WARS2: variants seen among roughly 807,000 people sequenced by gnomAD.
The protein encoded by WARS2 is tryptophan--tRNA ligase, mitochondrial.
A neutral mutation model predicts 36.5 loss-of-function variants in WARS2; 28 were observed. The ratio of observed to expected loss-of-function variants is 0.77; its 90% CI spans 0.57 to 1.05. WARS2 has a LOEUF of 1.05. Ranked by LOEUF, WARS2 falls within the 50% of genes least tolerant of loss-of-function variation. WARS2 has a pLI of 0.00. For synonymous variants in WARS2, 174 were observed against 178.4 expected (o/e 0.98, Z 0.20); for missense variants, 435 against 456.8 (o/e 0.95, Z 0.44).
At chr1:119,135,747 T>TAGAGAGATAGAG (rs67002367) in intron 1 of WARS2, among the ~76,000 whole-genome samples, 4 of 115,876 alleles carry the variant, frequency 3.5e-5, no homozygotes, top group East Asian at 1.1e-3. Context: ...GATAGATAGA[T>TAGAGAGATAGAG]AGATAGAGAG....
intron 1 of WARS2, among the ~76,000 whole-genome samples, chr1:119,096,802 A>C (rs1653473388): frequency 6.6e-6 from 1 of 152,200 alleles, no homozygotes; most frequent in African/African-American, 2.4e-5. Context: ...AAAATCAAAT[A>C]GCGCTCTCAT....
intron 2 of WARS2, among the ~76,000 whole-genome samples, chr1:119,046,390 C>T (rs796413211): frequency 1.3e-5 from 2 of 149,920 alleles, no homozygotes; most frequent in African/African-American, 4.9e-5. Context: ...ACTCTGTCGC[C>T]CAGGCTGCAG....
chr1:119,038,563 A>C (rs1054616548), intron 4 of WARS2, among the ~76,000 whole-genome samples: 1 of 152,120 alleles, frequency 6.6e-6, no homozygotes, highest in African/African-American at 2.4e-5. Flanking sequence ...GTTTCTGAGC[A>C]ATCATTTTAC....
At chr1:119,040,376 G>A (rs1171808443) in intron 4 of WARS2, among the ~76,000 whole-genome samples, 2 of 152,188 alleles carry the variant, frequency 1.3e-5, no homozygotes, top group African/African-American at 4.8e-5. Flanking sequence ...TAAAGTTTAT[G>A]CTTTTCCATA....
At chr1:119,127,474 G>A (rs1331814062) in intron 1 of WARS2, among the ~76,000 whole-genome samples, 1 of 152,080 alleles carries the variant, frequency 6.6e-6, no homozygotes, top group African/African-American at 2.4e-5. Flanking sequence ...TGTTCTTATC[G>A]ATGTTATAAA....
chr1:119,065,526 C>A (rs1258832478), intron 2 of WARS2, among the ~76,000 whole-genome samples: 1 of 150,396 alleles, frequency 6.6e-6, no homozygotes, highest in African/African-American at 2.4e-5. Flanking sequence ...TCCCAGCTAT[C>A]TGGGAGGCTG....
chr1:119,135,747 TAGATAGAGAGATAG>T lies in WARS2; in HGVS notation c.90+4794_90+4807del, dbSNP rs1218425399. On this transcript the variant is annotated intron_variant, in intron 1 of 5. Transcript: ENST00000235521. ...ATAGATAGATAGATAGATAGATAGA[TAGATAGAGAGATAG>T]AGAGAGAGAGAGAGATGGGTTTTGG... Among the ~76,000 whole-genome samples the T allele has an allele frequency of 9.1e-3, 1,055 of 115,872 alleles. 12 individuals are homozygous for T. The highest frequency in any genetic ancestry group is 0.029 in the African/African-American group (1,002 of 34,330). The allele number at this position is 115,872 out of a possible 152,430, so 76.0% of individuals were successfully genotyped here. A position where few individuals can be genotyped will look rare whatever the true frequency, so the allele number is the denominator to read the frequency against.
chr1:119,091,577 T>G (rs1174288629), intron 1 of WARS2, among the ~76,000 whole-genome samples: 2 of 152,164 alleles, frequency 1.3e-5, no homozygotes, highest in East Asian at 3.9e-4. Context: ...TTCTAAGGGG[T>G]GTGTGATTCT....
chr1:119,089,640 A>T (rs888322976), intron 1 of WARS2, among the ~76,000 whole-genome samples: 1 of 152,180 alleles, frequency 6.6e-6, no homozygotes, highest in African/African-American at 2.4e-5. Context: ...TGGAGATCAA[A>T]ATTTTATTTT....
intron 1 of WARS2, among the ~76,000 whole-genome samples, chr1:119,102,190 G>C (rs1411321110): frequency 1.3e-5 from 2 of 152,164 alleles, no homozygotes; most frequent in African/African-American, 4.8e-5. Context: ...TGAGGAGTGG[G>C]AACACAACAG....
At chr1:119,136,347 A>G (rs1280311608) in intron 1 of WARS2, among the ~76,000 whole-genome samples, 1 of 152,206 alleles carries the variant, frequency 6.6e-6, no homozygotes, top group Non-Finnish European at 1.5e-5. Flanking sequence ...AGTTACTATC[A>G]GTAGTTTTCA....
Position 119,090,103 on chromosome 1 carries a change from C to T in WARS2, c.91-13496G>A, listed in dbSNP as rs374441612. 3.3e-5 allele frequency among the ~76,000 whole-genome samples: 5 copies of T among 150,774 alleles called. No individual in the cohort carries two copies. In the East Asian group the frequency reaches 5.8e-4, roughly 18 times the overall value. On this transcript the variant is annotated intron_variant, in intron 1 of 5. Transcript: ENST00000235521. ...CTATGTAACAACTCTGTATATCCTG[C>T]ACATGTAGCCTTGAACTTTAAAGTT... is the stretch of plus-strand genomic sequence containing the variant.
At chr1:119,061,857 T>A (rs1251102279) in intron 2 of WARS2, among the ~76,000 whole-genome samples, 1 of 152,172 alleles carries the variant, frequency 6.6e-6, no homozygotes, top group African/African-American at 2.4e-5. Flanking sequence ...TAAAACAGTA[T>A]GTGTTAACAA....
At chr1:119,118,028 A>T (rs1655087528) in intron 1 of WARS2, among the ~76,000 whole-genome samples, 2 of 152,180 alleles carry the variant, frequency 1.3e-5, no homozygotes, top group Admixed American at 6.5e-5. Flanking sequence ...AGGTTCTATA[A>T]CACCCACAAA....
chr1:119,140,658 G>C (rs201008718), upstream of WARS2: 27 of 1,608,606 alleles, frequency 1.7e-5, no homozygotes, highest in African/African-American at 3.6e-4. Context: ...GAGAAGGGCG[G>C]AGCCGTCTTG....
At chr1:119,119,448 G>A (rs1337611700) in intron 1 of WARS2, among the ~76,000 whole-genome samples, 4 of 151,706 alleles carry the variant, frequency 2.6e-5, no homozygotes, top group Non-Finnish European at 1.5e-5. Flanking sequence ...AAATGAGATA[G>A]ACACAATAAT....
chr1:119,033,343 T>C lies in WARS2; in HGVS notation c.651A>G (p.Val217=). The C allele has an allele frequency of 6.2e-7, 1 of 1,614,240 alleles. No individual in the cohort carries two copies. Among genetic ancestry groups the C allele is most frequent in the Non-Finnish European group, 8.5e-7 (1 of 1,180,042 alleles). Residue 217 remains valine, a synonymous_variant, in exon 6 of 6, where the codon GTA becomes GTG. Coordinates refer to ENST00000235521, the MANE Select transcript of WARS2 (RefSeq NM_015836.4). ...PESILTSMKK[V]KSLRDPSAKM... ...TGGCAGAAGGATCACGTAGGGATTT[T>C]ACCTTCTTCATGGATGCTAGGTTAA... is the stretch of plus-strand genomic sequence containing the variant.
chr1:119,091,709 A>G (rs1653058672), intron 1 of WARS2, among the ~76,000 whole-genome samples: 1 of 152,176 alleles, frequency 6.6e-6, no homozygotes, highest in African/African-American at 2.4e-5. Context: ...CAGCAGCTTC[A>G]GTGCTAATTC....
At chr1:119,111,083 C>A (rs891544591) in intron 1 of WARS2, among the ~76,000 whole-genome samples, 1 of 151,826 alleles carries the variant, frequency 6.6e-6, no homozygotes, top group Non-Finnish European at 1.5e-5. Context: ...TAATCATAGT[C>A]AAAAAAAATT....
Sources: gnomAD v4.1 joint callset for allele counts (sites outside exome capture counted in the v4.1 genomes callset) on GRCh38, gnomAD v4.1.1 for gene constraint, MANE v1.5 for transcripts, NCBI Gene and HGNC (gene_info 2026-07-23, HGNC 2026-07-21) for gene names.